C17orf99: variants seen among roughly 807,000 people sequenced by gnomAD.
C17orf99 encodes the protein chromosome 17 open reading frame 99, also known as protein IL-40.
Under a neutral mutation model 22.6 loss-of-function variants are expected in C17orf99, and 18 were observed. The observed-to-expected ratio is 0.80, with a 90% CI of 0.55 to 1.18. The LOEUF is 1.18. C17orf99 is among the 50% of genes most tolerant of loss of function. The pLI is 0.00. For missense variants in C17orf99, 328 were observed against 342.7 expected, an observed-to-expected ratio of 0.96 and a Z score of 0.34; for synonymous variants, 147 against 136.6, an observed-to-expected ratio of 1.08 and a Z score of -0.53.
chr17:78,165,864 C>T (rs1234691269), intron 4 of C17orf99, 25 bp from the exon 5 acceptor site: 4 of 1,304,688 alleles, frequency 3.1e-6, no homozygotes, highest in Non-Finnish European at 4.0e-6. Context: ...GCCTGCCTGA[C>T]TTGAGTCTCC....
intron 4 of C17orf99, 189 bp downstream of exon 4, chr17:78,164,553 C>T (rs758363701): frequency 8.3e-5 from 128 of 1,533,518 alleles, no homozygotes; most frequent in Non-Finnish European, 9.9e-5. Context: ...CAGCTGCCTC[C>T]GCCCCCTCCC....
At chr17:78,155,918 C>G (rs112837295) in intron 2 of C17orf99, among the ~76,000 whole-genome samples, 15,348 of 151,704 alleles carry the variant, frequency 0.1, 1,896 homozygotes, top group African/African-American at 0.29. Flanking sequence ...AGCCACCATG[C>G]CCGGCCTACA....
At position 78,164,503 on chromosome 17, in the gene C17orf99, A is replaced by T. The variant is rs192758741; in HGVS notation, c.640+139A>T. ...GAGAGCAGAGAGGGCACAGGAGGCA[A>T]CCATGCCCACCCTGGCCCCTGCCTA... On this transcript the variant is annotated intron_variant, in intron 4 of 4. Coordinates refer to ENST00000340363, the MANE Select transcript of C17orf99 (RefSeq NM_001163075.2). The T allele has an allele frequency of 4.2e-5, 65 of 1,539,064 alleles. No individual in the cohort carries two copies. The Admixed American group carries it at 1.1e-3, about 25-fold the overall frequency.
Position 78,162,757 on chromosome 17 carries a change from CCA to C in C17orf99, c.371-1335_371-1334del, listed in dbSNP as rs377314763. 7.1e-3 allele frequency among the ~76,000 whole-genome samples: 1,087 copies of C among 152,214 alleles called. 9 individuals carry two copies. The highest frequency in any genetic ancestry group is 0.025 in the African/African-American group (1,022 of 41,544). On this transcript the variant is annotated intron_variant, in intron 3 of 4. Transcript: ENST00000340363. ...GCCAAGAGTTTGAGACCAGCCTGGA[CCA>C]CAGAGTGATACTCTGTGTCTGCAAA...
chr17:78,161,305 A>C, intron 3 of C17orf99, 51 bp downstream of exon 3: 20 of 1,453,984 alleles, frequency 1.4e-5, no homozygotes, highest in Non-Finnish European at 1.7e-5. Flanking sequence ...GGTGCAGATC[A>C]ATGGGGAGCT....
chr17:78,159,337 T>C (rs1037343214), intron 2 of C17orf99, among the ~76,000 whole-genome samples: 3 of 142,346 alleles, frequency 2.1e-5, no homozygotes, highest in Non-Finnish European at 4.4e-5. Flanking sequence ...ACTCTGTCTT[T>C]AAATAAATAA....
chr17:78,158,300 ATTT>A, intron 2 of C17orf99: 3 of 339,598 alleles, frequency 8.8e-6, no homozygotes, highest in Non-Finnish European at 1.7e-5. Flanking sequence ...CCTCCTACAC[ATTT>A]TTTTTTTTTG....
chr17:78,153,929 T>C (rs2075505739), intron 2 of C17orf99, among the ~76,000 whole-genome samples: 1 of 140,394 alleles, frequency 7.1e-6, no homozygotes, highest in African/African-American at 2.7e-5. Context: ...TTTTTTTTTT[T>C]TTTTTTTTTT....
intron 2 of C17orf99, chr17:78,157,483 G>GCAGT: frequency 5.5e-6 from 7 of 1,265,200 alleles, no homozygotes; most frequent in Non-Finnish European, 7.6e-6. Flanking sequence ...CCTTCCCAAT[G>GCAGT]CAGTCCTCAG....
At chr17:78,150,604 G>T (rs756519404) in intron 2 of C17orf99, among the ~76,000 whole-genome samples, 1 of 152,180 alleles carries the variant, frequency 6.6e-6, no homozygotes, top group Non-Finnish European at 1.5e-5. Flanking sequence ...AAGGAGAGGG[G>T]AGAAAAGTTT....
At chr17:78,146,084 C>T (rs2075435642), upstream of C17orf99, among the ~76,000 whole-genome samples, 1 of 152,078 alleles carries the variant, frequency 6.6e-6, no homozygotes, top group Non-Finnish European at 1.5e-5. This position sits in a 1 kb window ranked among gnomAD's most constrained non-coding sequence, Gnocchi z 5.2. Flanking sequence ...CACTGTGCCC[C>T]GCGGAGCATG....
chr17:78,155,305 A>G (rs8073715), intron 2 of C17orf99, among the ~76,000 whole-genome samples: 33,521 of 151,654 alleles, frequency 0.22, 5,233 homozygotes, highest in East Asian at 0.45. Context: ...ACTCTAGTCT[A>G]TTCCAGTTCT....
chr17:78,165,827 C>G, intron 4 of C17orf99, 62 bp from the exon 5 acceptor site: 3 of 1,279,948 alleles, frequency 2.3e-6, no homozygotes, highest in Non-Finnish European at 3.0e-6. Flanking sequence ...CTCTCAGACG[C>G]CTCGGGAGGG....
At chr17:78,158,274 C>A in intron 2 of C17orf99, 1 of 489,568 alleles carries the variant, frequency 2.0e-6, no homozygotes. Flanking sequence ...CTGCCCTGGT[C>A]CTAGGCTGCT....
chr17:78,154,331 C>G (rs2075508960), intron 2 of C17orf99, among the ~76,000 whole-genome samples: 3 of 151,856 alleles, frequency 2.0e-5, no homozygotes, highest in African/African-American at 7.3e-5. Flanking sequence ...GGTGGATCAC[C>G]TGAGGTCAGG....
intron 2 of C17orf99, among the ~76,000 whole-genome samples, chr17:78,160,490 C>T (rs1279021948): frequency 2.0e-5 from 3 of 150,542 alleles, no homozygotes; most frequent in Admixed American, 6.6e-5. Context: ...GAGCAGAGAT[C>T]GCGCCACTGC....
chr17:78,151,423 C>CAAAAAA (rs35828431), intron 2 of C17orf99, among the ~76,000 whole-genome samples: 6 of 55,996 alleles, frequency 1.1e-4, no homozygotes, highest in Admixed American at 2.0e-4. Flanking sequence ...GACTCTGTCT[C>CAAAAAA]AAAAAAAAAA....
intron 2 of C17orf99, chr17:78,158,781 T>G (rs1215517231): frequency 6.0e-6 from 1 of 166,108 alleles, no homozygotes; most frequent in African/African-American, 2.4e-5. Context: ...TGGGTGCTGC[T>G]TGTGGTTTAG....
intron 2 of C17orf99, among the ~76,000 whole-genome samples, chr17:78,150,067 G>A (rs2075469272): frequency 6.6e-6 from 1 of 150,930 alleles, no homozygotes. Flanking sequence ...GGAATGCAGT[G>A]GCACAAACTC....
Sources: allele counts gnomAD v4.1 joint callset (sites outside exome capture counted in the v4.1 genomes callset), GRCh38; gene constraint gnomAD v4.1.1; non-coding constraint Gnocchi (gnomAD v3.1); transcripts MANE v1.5; gene names NCBI Gene and HGNC (gene_info 2026-07-23, HGNC 2026-07-21).